The following PUS7 variants were observed in gnomAD, a reference collection of about 807,000 sequenced individuals.
PUS7 encodes pseudouridylate synthase 7 homolog.
Under a neutral mutation model 79.8 loss-of-function variants are expected in PUS7, and 48 were observed. That is an observed-to-expected ratio of 0.60 (90% CI 0.48 to 0.76). The LOEUF (loss-of-function observed/expected upper bound fraction) is 0.76. Ranked by LOEUF, PUS7 falls within the 30% of genes least tolerant of loss-of-function variation. The pLI, the probability that PUS7 is intolerant of heterozygous loss-of-function variation, is 0.00. For synonymous variants in PUS7, 286 were observed against 272.2 expected (o/e 1.05, Z -0.50); for missense variants, 729 against 797.6 (o/e 0.91, Z 1.04).
At chr7:105,492,731 T>C (rs894862641) in intron 6 of PUS7, among the ~76,000 whole-genome samples, 3 of 151,764 alleles carry the variant, frequency 2.0e-5, no homozygotes, top group Non-Finnish European at 4.4e-5. Flanking sequence ...ATGGTCTCGA[T>C]CTCCTGACCT....
At chr7:105,462,533 G>A in intron 14 of PUS7, 88 bp downstream of exon 14, 2 of 1,375,618 alleles carry the variant, frequency 1.5e-6, no homozygotes, top group Admixed American at 2.1e-5. Flanking sequence ...GAAAATTCTT[G>A]TGCAGTACAT....
intron 7 of PUS7, among the ~76,000 whole-genome samples, chr7:105,489,553 T>C (rs963495115): frequency 1.3e-5 from 2 of 152,198 alleles, no homozygotes; most frequent in African/African-American, 4.8e-5. Context: ...CATCTTCATG[T>C]ATTTACTCCT....
chr7:105,502,182 A>C (rs1047642910), intron 5 of PUS7, among the ~76,000 whole-genome samples: 1 of 152,120 alleles, frequency 6.6e-6, no homozygotes, highest in Non-Finnish European at 1.5e-5. Context: ...AGGCACTACT[A>C]TAATTTCAGC....
intron 11 of PUS7, among the ~76,000 whole-genome samples, chr7:105,469,097 G>T (rs911101687): frequency 1.3e-5 from 2 of 151,280 alleles, no homozygotes; most frequent in Non-Finnish European, 2.9e-5. Context: ...TAGAGACAGG[G>T]TTTTGCCATG....
intron 15 of PUS7, among the ~76,000 whole-genome samples, chr7:105,458,686 C>T (rs1264396563): frequency 1.3e-5 from 2 of 151,496 alleles, no homozygotes; most frequent in African/African-American, 4.9e-5. Context: ...CATTCTCCTG[C>T]CTCAGCCTCT....
chr7:105,465,784 G>C (rs1407257208), intron 12 of PUS7, among the ~76,000 whole-genome samples: 1 of 152,076 alleles, frequency 6.6e-6, no homozygotes, highest in Non-Finnish European at 1.5e-5. Flanking sequence ...GGTGAGCTGA[G>C]ATCAAGCCAT....
chr7:105,504,070 CTTT>C (rs11455671), intron 4 of PUS7, among the ~76,000 whole-genome samples: 1 of 136,990 alleles, frequency 7.3e-6, no homozygotes, highest in Non-Finnish European at 1.6e-5. Context: ...CTTGATGACA[CTTT>C]TTTTTTTTTT....
Position 105,497,856 on chromosome 7 carries a change from T to C in PUS7, c.731-2603A>G, listed in dbSNP as rs558434226. Among the ~76,000 whole-genome samples, 114 of 152,330 alleles carry C rather than the reference T, an allele frequency of 7.5e-4. No homozygotes were observed. In the East Asian group the frequency reaches 0.02, roughly 27 times the overall value. On this transcript the variant is annotated intron_variant, in intron 5 of 15. Coordinates refer to ENST00000469408, the MANE Select transcript of PUS7 (RefSeq NM_019042.5). ...ATCTTAAAGATGGTTTATGGGTACATAGGTTCCATATACTATTTCCTCTAT... is the reference window on the plus strand; with the variant it reads ...ATCTTAAAGATGGTTTATGGGTACACAGGTTCCATATACTATTTCCTCTAT...
chr7:105,502,748 G>A (rs1239280954), intron 4 of PUS7, among the ~76,000 whole-genome samples, 184 bp from the exon 5 acceptor site: 1 of 152,174 alleles, frequency 6.6e-6, no homozygotes, highest in Non-Finnish European at 1.5e-5. Context: ...CGCTCAAGCT[G>A]GAGTGCAGTG....
chr7:105,484,772 C>T (rs1371462843), intron 7 of PUS7, among the ~76,000 whole-genome samples: 2 of 146,688 alleles, frequency 1.4e-5, no homozygotes, highest in Non-Finnish European at 3.0e-5. Context: ...GAGCTGAGAT[C>T]GTGCCACTGC....
intron 2 of PUS7, among the ~76,000 whole-genome samples, chr7:105,507,107 T>G (rs1825495851): frequency 6.6e-6 from 1 of 151,550 alleles, no homozygotes; most frequent in Non-Finnish European, 1.5e-5. Flanking sequence ...GTGCAGTGGC[T>G]TGATCTTGGC....
At chr7:105,500,705 T>C (rs6957263) in intron 5 of PUS7, among the ~76,000 whole-genome samples, 35,277 of 152,042 alleles carry the variant, frequency 0.23, 4,171 homozygotes, top group South Asian at 0.31. Flanking sequence ...GCATGGCTGT[T>C]TGTAGAAGTC....
intron 8 of PUS7, among the ~76,000 whole-genome samples, chr7:105,481,679 A>G (rs534049825): frequency 4.6e-5 from 7 of 151,154 alleles, no homozygotes; most frequent in Non-Finnish European, 1.0e-4. Context: ...TTTACTTTCT[A>G]TGTCCATGGA....
intron 7 of PUS7, among the ~76,000 whole-genome samples, chr7:105,490,908 G>A (rs1259649022): frequency 1.3e-5 from 2 of 152,132 alleles, no homozygotes; most frequent in Admixed American, 1.3e-4. Context: ...CTACATAGTG[G>A]GTAGAGACTA....
intron 5 of PUS7, 95 bp downstream of exon 5, chr7:105,502,325 T>C (rs1314366052): frequency 6.9e-6 from 10 of 1,440,410 alleles, no homozygotes; most frequent in East Asian, 6.8e-5. Flanking sequence ...AGCAGCACTA[T>C]AGTAGCCCTT....
At chr7:105,500,507 A>G (rs73421629) in intron 5 of PUS7, among the ~76,000 whole-genome samples, 105 of 152,290 alleles carry the variant, frequency 6.9e-4, no homozygotes, top group African/African-American at 2.5e-3. Context: ...CAGTCAAAAA[A>G]ACAGTTTTTG....
intron 1 of PUS7, among the ~76,000 whole-genome samples, chr7:105,521,733 C>G (rs1447867385): frequency 6.6e-6 from 1 of 152,196 alleles, no homozygotes; most frequent in East Asian, 1.9e-4. Flanking sequence ...AGGGGGCCCC[C>G]GGGGGACAGC....
At chr7:105,484,855 ATTT>A (rs1172322541) in intron 7 of PUS7, among the ~76,000 whole-genome samples, 37 of 116,846 alleles carry the variant, frequency 3.2e-4, no homozygotes, top group South Asian at 5.8e-4. Context: ...CCAGTCAGAG[ATTT>A]TTTTTTTTTT....
chr7:105,483,302 A>C (rs1048580170), intron 7 of PUS7, among the ~76,000 whole-genome samples: 1 of 152,028 alleles, frequency 6.6e-6, no homozygotes, highest in African/African-American at 2.4e-5. Context: ...AGCTGGGCTT[A>C]CAGGCGCACA....
Sources: gnomAD v4.1 joint callset for allele counts (sites outside exome capture counted in the v4.1 genomes callset) on GRCh38, gnomAD v4.1.1 for gene constraint, MANE v1.5 for transcripts, NCBI Gene and HGNC (gene_info 2026-07-23, HGNC 2026-07-21) for gene names.